Variants in ADGRL2 observed in about 807,000 individuals in gnomAD.
ADGRL2 encodes the protein adhesion G protein-coupled receptor L2.
A neutral mutation model predicts 157.4 loss-of-function variants in ADGRL2; 44 were observed. That is an observed-to-expected ratio of 0.28 (90% CI 0.22 to 0.36). The LOEUF (loss-of-function observed/expected upper bound fraction) is 0.36, where lower values mean the gene tolerates loss of function less well. Among genes scored for constraint, ADGRL2 ranks in the 10% least tolerant of loss-of-function variants. ADGRL2 has a pLI of 1.00. For synonymous variants in ADGRL2, 585 were observed against 624.7 expected, an observed-to-expected ratio of 0.94 and a Z score of 0.95; for missense variants, 1,510 against 1,768.9, an observed-to-expected ratio of 0.85 and a Z score of 2.63.
At chr1:81,927,969 AT>A (rs1000008170) in intron 3 of ADGRL2, among the ~76,000 whole-genome samples, 5 of 152,004 alleles carry the variant, frequency 3.3e-5, no homozygotes, top group Non-Finnish European at 7.4e-5. Context: ...ATTCAACTCC[AT>A]TTTTCTCTTG....
rs140360091 is a variant in ADGRL2 at position 81,705,940 on chromosome 1, G to A, written c.-143+6132G>A. Among the ~76,000 whole-genome samples, 458 of 152,128 alleles carry A rather than the reference G, an allele frequency of 3.0e-3. 4 individuals carry two copies. Among genetic ancestry groups the A allele is most frequent in the African/African-American group, 0.01 (426 of 41,498 alleles). Reference sequence around the variant, plus strand: ...AACAAAAATTTTGGGGCCAGGCGCGGTGGCTCATGCCTGTAATCCCAGCAC... The same window carrying A: ...AACAAAAATTTTGGGGCCAGGCGCGATGGCTCATGCCTGTAATCCCAGCAC... On this transcript the variant is annotated intron_variant, in intron 1 of 20. Transcript: ENST00000359929.
intron 1 of ADGRL2, among the ~76,000 whole-genome samples, chr1:81,719,138 T>C (rs2084212588): frequency 6.6e-6 from 1 of 152,246 alleles, no homozygotes; most frequent in South Asian, 2.1e-4. Flanking sequence ...ATGGGTTCTT[T>C]AAAAGTTTGG....
intron 3 of ADGRL2, among the ~76,000 whole-genome samples, chr1:81,585,194 C>T (rs1469924559): frequency 6.6e-6 from 1 of 152,232 alleles, no homozygotes; most frequent in East Asian, 1.9e-4. Flanking sequence ...TCTATCTAGA[C>T]TCACATAAGG....
At position 81,985,324 on chromosome 1, in the gene ADGRL2, T is replaced by C. The variant is rs1416447190; in HGVS notation, c.3477T>C (p.Gly1159=). The C allele has an allele frequency of 2.5e-6, 4 of 1,606,702 alleles. No homozygotes were observed. In the African/African-American group the frequency reaches 5.4e-5, roughly 22 times the overall value. ...AATCAGAATCTTCTTTTATCTCAGG[T>C]GACATCAATAGCACTTCAACACTTA... ...RKQSESSFIS[G]DINSTSTLNQ... is the part of the protein sequence containing the mutation. The change falls in exon 21 of 24, where the codon GGT becomes GGC. Residue 1159 remains glycine, a synonymous_variant. Coordinates refer to ENST00000686636, the MANE Select transcript of ADGRL2 (RefSeq NM_001366006.2).
At chr1:81,934,820 ATCTT>A (rs201203760) in intron 3 of ADGRL2, among the ~76,000 whole-genome samples, 3 of 152,104 alleles carry the variant, frequency 2.0e-5, no homozygotes, top group East Asian at 3.9e-4. Context: ...ACAGTTGTTT[ATCTT>A]TCTTCATTTC....
upstream of ADGRL2, among the ~76,000 whole-genome samples, chr1:81,695,601 C>T (rs1246780724): frequency 6.6e-6 from 1 of 152,058 alleles, no homozygotes; most frequent in Non-Finnish European, 1.5e-5. Flanking sequence ...GGGTGGATCA[C>T]TTGAGGTCAG....
At chr1:81,561,434 T>G (rs1276112649) in intron 2 of ADGRL2, among the ~76,000 whole-genome samples, 1 of 147,916 alleles carries the variant, frequency 6.8e-6, no homozygotes, top group Admixed American at 6.9e-5. Context: ...TTGTTTTGTT[T>G]TGTTCTGTTT....
chr1:81,730,379 C>A (rs1207816311), intron 1 of ADGRL2, among the ~76,000 whole-genome samples: 1 of 152,102 alleles, frequency 6.6e-6, no homozygotes, highest in Non-Finnish European at 1.5e-5. Flanking sequence ...ATTATAATAA[C>A]ACATTTATTC....
At chr1:81,537,619 T>G (rs2148298454) in intron 2 of ADGRL2, among the ~76,000 whole-genome samples, 1 of 152,222 alleles carries the variant, frequency 6.6e-6, no homozygotes, top group South Asian at 2.1e-4. Flanking sequence ...GCATTTTATC[T>G]TTACTAAAAG....
intron 1 of ADGRL2, among the ~76,000 whole-genome samples, chr1:81,357,965 T>C (rs944241593): frequency 6.6e-6 from 1 of 152,180 alleles, no homozygotes; most frequent in African/African-American, 2.4e-5. Context: ...AACATTCAAA[T>C]GTTATAAGAA....
chr1:81,503,091 G>A (rs1399307941), intron 2 of ADGRL2: 1 of 1,610,600 alleles, frequency 6.2e-7, no homozygotes, highest in Non-Finnish European at 8.5e-7. Context: ...AGCCTGCTGA[G>A]AAGAAGGCGT....
At chr1:81,318,747 C>A (rs1039610643) in intron 1 of ADGRL2, among the ~76,000 whole-genome samples, 3 of 151,678 alleles carry the variant, frequency 2.0e-5, no homozygotes, top group African/African-American at 7.3e-5. Context: ...AAAAAGAGAT[C>A]CTGTTTTATG....
chr1:81,358,882 T>A (rs2075919953), intron 1 of ADGRL2, among the ~76,000 whole-genome samples: 2 of 152,070 alleles, frequency 1.3e-5, no homozygotes, highest in South Asian at 2.1e-4. Flanking sequence ...AGGAGAGAGA[T>A]CTACTCCGTA....
chr1:81,682,798 C>T (rs542484571), intron 3 of ADGRL2, among the ~76,000 whole-genome samples: 2 of 152,262 alleles, frequency 1.3e-5, no homozygotes, highest in Admixed American at 6.5e-5. Flanking sequence ...ACCTGGTATA[C>T]AGGTTTGTCC....
chr1:81,855,501 G>T (rs924588108), intron 2 of ADGRL2, among the ~76,000 whole-genome samples: 5 of 151,826 alleles, frequency 3.3e-5, no homozygotes, highest in African/African-American at 9.7e-5. Context: ...TCAGCTTCAG[G>T]TGATTATTTT....
chr1:81,604,390 T>A (rs567631064), intron 3 of ADGRL2, among the ~76,000 whole-genome samples: 14 of 152,220 alleles, frequency 9.2e-5, no homozygotes, highest in African/African-American at 3.4e-4. Context: ...TGCAGTCCAG[T>A]GAGCTACAGC....
intron 3 of ADGRL2, among the ~76,000 whole-genome samples, chr1:81,921,767 A>G (rs1380112004): frequency 6.6e-6 from 1 of 152,188 alleles, no homozygotes; most frequent in African/African-American, 2.4e-5. Flanking sequence ...TGTGTAAACT[A>G]TAAATCAGAT....
rs138659348 is a variant in ADGRL2 at position 81,721,217 on chromosome 1, A to G, written c.-143+21409A>G. Reference sequence around the variant, plus strand: ...TGCTAAATGGTAACGGCATACATTTATCTGTATAATTGCATGTCACTCTCA... The same window carrying G: ...TGCTAAATGGTAACGGCATACATTTGTCTGTATAATTGCATGTCACTCTCA... On this transcript the variant is annotated intron_variant, in intron 1 of 20. Coordinates refer to the ADGRL2 transcript ENST00000359929. 3.3e-5 allele frequency among the ~76,000 whole-genome samples: 5 copies of G among 151,150 alleles called. No homozygotes were observed. The East Asian group carries it at 9.9e-4, about 30-fold the overall frequency.
chr1:81,945,196 G>A (rs1174776211), intron 6 of ADGRL2, among the ~76,000 whole-genome samples: 1 of 151,932 alleles, frequency 6.6e-6, no homozygotes, highest in East Asian at 1.9e-4. Flanking sequence ...AGTTTGGTTT[G>A]TTTCATCTAT....
Sources: allele counts gnomAD v4.1 joint callset (sites outside exome capture counted in the v4.1 genomes callset), GRCh38; gene constraint gnomAD v4.1.1; transcripts MANE v1.5; gene names NCBI Gene and HGNC (gene_info 2026-07-23, HGNC 2026-07-21).